Variants in SLC24A3 observed in about 807,000 individuals in gnomAD.
The protein encoded by SLC24A3 is sodium/potassium/calcium exchanger 3.
SLC24A3 carries 28 observed loss-of-function variants against 75.8 expected under a neutral mutation model. The observed-to-expected ratio is 0.37, with a 90% confidence interval of 0.27 to 0.51. SLC24A3 has a LOEUF of 0.51. Among genes scored for constraint, SLC24A3 ranks in the 20% least tolerant of loss-of-function variants. SLC24A3 has a pLI of 0.94. For missense variants in SLC24A3, 663 were observed against 847.8 expected (o/e 0.78, Z 2.71); for synonymous variants, 372 against 334.1 (o/e 1.11, Z -1.24).
chr20:19,628,819 C>T (rs1166467752), intron 6 of SLC24A3, among the ~76,000 whole-genome samples: 1 of 152,110 alleles, frequency 6.6e-6, no homozygotes, highest in Non-Finnish European at 1.5e-5. Context: ...GATGCAACCG[C>T]TGGGAAGATT....
chr20:19,377,361 A>G (rs1171979072), intron 2 of SLC24A3, among the ~76,000 whole-genome samples: 1 of 152,158 alleles, frequency 6.6e-6, no homozygotes, highest in African/African-American at 2.4e-5. Context: ...AGAGCACAGT[A>G]ATCAAAAGGA....
At chr20:19,370,643 G>A (rs116274813) in intron 2 of SLC24A3, among the ~76,000 whole-genome samples, 1,558 of 152,338 alleles carry the variant, frequency 0.01, 20 homozygotes, top group African/African-American at 0.034. Context: ...TCCTGTGCCA[G>A]GAAGCTTCTA....
Position 19,437,813 on chromosome 20 carries a change from C to T in SLC24A3, c.272-77675C>T, listed in dbSNP as rs559822955. 4.3e-4 allele frequency among the ~76,000 whole-genome samples: 65 copies of T among 152,326 alleles called. 1 individual carries two copies. Among genetic ancestry groups the T allele is most frequent in the African/African-American group, 1.4e-3 (57 of 41,574 alleles). ...AGTGCGTTCTGATCCTGTCTCCATC[C>T]TCCTCCACCCTGTTCCCCCTGCTCT... On this transcript the variant is annotated intron_variant, in intron 2 of 16. Transcript: ENST00000328041.
chr20:19,432,371 A>G (rs1254850826), intron 2 of SLC24A3, among the ~76,000 whole-genome samples: 1 of 151,072 alleles, frequency 6.6e-6, no homozygotes, highest in Non-Finnish European at 1.5e-5. Context: ...GAATCAATCA[A>G]AGAAGACAAG....
chr20:19,359,831 G>A (rs548171994), intron 2 of SLC24A3, among the ~76,000 whole-genome samples: 5 of 152,268 alleles, frequency 3.3e-5, no homozygotes, highest in African/African-American at 1.2e-4. Flanking sequence ...CCCATAGGGA[G>A]TGTTACCACT....
At chr20:19,410,135 C>T (rs1302260261) in intron 2 of SLC24A3, among the ~76,000 whole-genome samples, 1 of 151,980 alleles carries the variant, frequency 6.6e-6, no homozygotes, top group African/African-American at 2.4e-5. Flanking sequence ...GCTAGAAAAA[C>T]GTTGGAAGGA....
chr20:19,318,126 T>A (rs1984625672), intron 2 of SLC24A3, among the ~76,000 whole-genome samples: 1 of 152,190 alleles, frequency 6.6e-6, no homozygotes, highest in Non-Finnish European at 1.5e-5. Flanking sequence ...TACAGGGGGC[T>A]GACTCTGAGG....
intron 7 of SLC24A3, among the ~76,000 whole-genome samples, chr20:19,664,843 C>G (rs1419789360): frequency 1.3e-5 from 2 of 152,194 alleles, no homozygotes. Context: ...TAGGTGTACT[C>G]ATTTGGTTTC....
At chr20:19,468,924 T>A (rs1987815768) in intron 2 of SLC24A3, among the ~76,000 whole-genome samples, 1 of 151,764 alleles carries the variant, frequency 6.6e-6, no homozygotes, top group African/African-American at 2.4e-5. Context: ...AAGGGAACGG[T>A]GGGTAATGAA....
At chr20:19,658,946 G>A (rs1455576585) in intron 7 of SLC24A3, among the ~76,000 whole-genome samples, 1 of 152,190 alleles carries the variant, frequency 6.6e-6, no homozygotes, top group East Asian at 1.9e-4. Context: ...GTATTGAAAT[G>A]TTACTGTAAT....
intron 3 of SLC24A3, among the ~76,000 whole-genome samples, chr20:19,564,598 C>G (rs2030926798): frequency 1.3e-5 from 2 of 152,132 alleles, no homozygotes; most frequent in South Asian, 4.1e-4. Flanking sequence ...GACAGATAAC[C>G]TGAACTTATA....
intron 6 of SLC24A3, among the ~76,000 whole-genome samples, chr20:19,611,029 C>T (rs2031664538): frequency 6.6e-6 from 1 of 152,068 alleles, no homozygotes; most frequent in Admixed American, 6.5e-5. Flanking sequence ...ACAGCGTCCA[C>T]TCTTCTACAC....
At position 19,476,873 on chromosome 20, in the gene SLC24A3, C is replaced by G. The variant is rs866574737; in HGVS notation, c.272-38615C>G. ...CCTGCTTGCTCATTAATCTTCTCTC[C>G]CTCTGATTCTTTTGCCCTCCTCTCT... is the stretch of plus-strand genomic sequence containing the variant. On this transcript the variant is annotated intron_variant, in intron 2 of 16. Coordinates refer to ENST00000328041, the MANE Select transcript of SLC24A3 (RefSeq NM_020689.4). Among the ~76,000 whole-genome samples, 5 of 152,080 alleles carry G rather than the reference C, an allele frequency of 3.3e-5. No homozygotes were observed. In the South Asian group the frequency reaches 8.3e-4, roughly 25 times the overall value.
At chr20:19,293,511 T>C (rs1380581919) in intron 2 of SLC24A3, among the ~76,000 whole-genome samples, 1 of 151,498 alleles carries the variant, frequency 6.6e-6, no homozygotes, top group African/African-American at 2.4e-5. Context: ...CAAAAATTAG[T>C]TGGGCGTGGT....
At chr20:19,498,350 C>T (rs1387262730) in intron 2 of SLC24A3, among the ~76,000 whole-genome samples, 1 of 152,158 alleles carries the variant, frequency 6.6e-6, no homozygotes, top group Non-Finnish European at 1.5e-5. Flanking sequence ...AATTGTCTTC[C>T]ACAAAACTGG....
In SLC24A3 at chr20:19,680,546, C is replaced by T. The variant is rs556064160; in HGVS notation, c.768-1312C>T. Among the ~76,000 whole-genome samples, 4 of 152,268 alleles carry T rather than the reference C, an allele frequency of 2.6e-5. No homozygotes were observed. The South Asian group carries it at 6.2e-4, about 24-fold the overall frequency. ...TGCTCAGTGTCTGCATCCATTATTT[C>T]GTTTGGGTTGCAAAATAGTGGTGTT... On this transcript the variant is annotated intron_variant, in intron 9 of 16. Transcript: ENST00000328041.
At chr20:19,350,619 G>A (rs967845476) in intron 2 of SLC24A3, among the ~76,000 whole-genome samples, 1 of 152,210 alleles carries the variant, frequency 6.6e-6, no homozygotes, top group African/African-American at 2.4e-5. Context: ...GGGCACCATG[G>A]TAATTGATGG....
intron 16 of SLC24A3, among the ~76,000 whole-genome samples, chr20:19,718,023 CT>C (rs747106707): frequency 3.9e-5 from 6 of 152,230 alleles, no homozygotes; most frequent in Non-Finnish European, 5.9e-5. Flanking sequence ...ATTACGCCCA[CT>C]TGCGTACTTT....
intron 2 of SLC24A3, among the ~76,000 whole-genome samples, chr20:19,288,108 T>G (rs1983857070): frequency 1.3e-5 from 2 of 152,206 alleles, no homozygotes; most frequent in Admixed American, 6.5e-5. Flanking sequence ...ATTAGAACTT[T>G]GTGGGAATAA....
Sources: gnomAD v4.1 joint callset for allele counts (sites outside exome capture counted in the v4.1 genomes callset) on GRCh38, gnomAD v4.1.1 for gene constraint, MANE v1.5 for transcripts, NCBI Gene and HGNC (gene_info 2026-07-23, HGNC 2026-07-21) for gene names.